Variants in CSMD1 observed in about 807,000 individuals in gnomAD.
CSMD1 encodes CUB and sushi domain-containing protein 1.
CSMD1 carries 213 observed loss-of-function variants against 417.5 expected under a neutral mutation model. The observed-to-expected ratio is 0.51, with a 90% CI of 0.46 to 0.57. The LOEUF (loss-of-function observed/expected upper bound fraction) is 0.57, where lower values mean the gene tolerates loss of function less well. Among genes scored for constraint, CSMD1 ranks in the 20% least tolerant of loss-of-function variants. CSMD1 has a pLI of 0.00. For missense variants in CSMD1, 6,923 were observed against 4,529.7 expected (o/e 1.53, Z -15.17); for synonymous variants, 2,862 against 1,736.8 (o/e 1.65, Z -16.11).
At chr8:3,995,188 A>G (rs905106072) in intron 5 of CSMD1, among the ~76,000 whole-genome samples, 20 of 152,150 alleles carry the variant, frequency 1.3e-4, no homozygotes, top group Admixed American at 1.2e-3. Flanking sequence ...GGGTACTTCA[A>G]ATTATTCTGT....
At chr8:4,879,103 A>G (rs1304992750) in intron 1 of CSMD1, among the ~76,000 whole-genome samples, 1 of 152,092 alleles carries the variant, frequency 6.6e-6, no homozygotes, top group Non-Finnish European at 1.5e-5. Context: ...AAACAAACAA[A>G]AAAAGATATC....
intron 42 of CSMD1, among the ~76,000 whole-genome samples, chr8:3,113,543 A>C (rs1224173084): frequency 6.6e-6 from 1 of 152,216 alleles, no homozygotes; most frequent in African/African-American, 2.4e-5. Flanking sequence ...GTGATGTCTA[A>C]CTTGAATGTC....
intron 2 of CSMD1, among the ~76,000 whole-genome samples, chr8:4,462,415 C>G (rs914166337): frequency 6.6e-6 from 1 of 152,038 alleles, no homozygotes; most frequent in African/African-American, 2.4e-5. Context: ...GATGGCAATA[C>G]TCCCCAAATT....
intron 6 of CSMD1, among the ~76,000 whole-genome samples, chr8:3,744,789 A>G (rs1433886624): frequency 6.7e-6 from 1 of 148,216 alleles, no homozygotes; most frequent in African/African-American, 2.4e-5. Flanking sequence ...TTTCTCTAGA[A>G]TGAATGACAT....
intron 5 of CSMD1, among the ~76,000 whole-genome samples, chr8:3,811,229 G>C (rs1276082971): frequency 3.9e-5 from 6 of 152,146 alleles, no homozygotes; most frequent in African/African-American, 1.4e-4. Context: ...CTGTGAGTAT[G>C]AAACACCCAA....
At chr8:4,455,765 T>C (rs908717781) in intron 2 of CSMD1, among the ~76,000 whole-genome samples, 2 of 151,008 alleles carry the variant, frequency 1.3e-5, no homozygotes, top group Non-Finnish European at 3.0e-5. Flanking sequence ...ACCCCGTCTC[T>C]ACTAAAAATA....
intron 3 of CSMD1, among the ~76,000 whole-genome samples, chr8:4,303,325 T>C (rs1056246473): frequency 2.0e-5 from 3 of 151,978 alleles, no homozygotes; most frequent in Admixed American, 6.6e-5. Context: ...ACAAATGTAT[T>C]AAAGGAAGCA....
At chr8:4,815,688 C>T (rs1424387595) in intron 1 of CSMD1, among the ~76,000 whole-genome samples, 1 of 90,442 alleles carries the variant, frequency 1.1e-5, no homozygotes, top group Non-Finnish European at 2.0e-5. Context: ...AAGACCAAAG[C>T]TGTCTCAAAA....
chr8:4,158,408 A>C (rs4875294), intron 3 of CSMD1, among the ~76,000 whole-genome samples: 1 of 151,702 alleles, frequency 6.6e-6, no homozygotes, highest in Non-Finnish European at 1.5e-5. Flanking sequence ...TCACTATTGC[A>C]AAAGGATATT....
chr8:3,812,381 C>T (rs572015964), intron 5 of CSMD1, among the ~76,000 whole-genome samples: 1 of 152,072 alleles, frequency 6.6e-6, no homozygotes, highest in African/African-American at 2.4e-5. Context: ...TAGTGAGATA[C>T]TTAAATGCAG....
At chr8:3,703,764 A>C (rs1218019850) in intron 7 of CSMD1, among the ~76,000 whole-genome samples, 1 of 152,154 alleles carries the variant, frequency 6.6e-6, no homozygotes, top group Non-Finnish European at 1.5e-5. Context: ...GCCAGCTATT[A>C]CATACCTGTA....
chr8:3,095,794 A>G (rs998404143), intron 47 of CSMD1, among the ~76,000 whole-genome samples: 4 of 152,236 alleles, frequency 2.6e-5, no homozygotes, highest in Admixed American at 6.5e-5. Context: ...ACAAAGAGAA[A>G]TATTAACATT....
chr8:3,797,600 G>C (rs144656263), intron 5 of CSMD1, among the ~76,000 whole-genome samples: 7 of 151,820 alleles, frequency 4.6e-5, no homozygotes, highest in African/African-American at 1.7e-4. Flanking sequence ...TTATGTTTCA[G>C]CAAGTCACAC....
chr8:3,743,014 C>T (rs908659669), intron 6 of CSMD1, among the ~76,000 whole-genome samples: 1 of 152,228 alleles, frequency 6.6e-6, no homozygotes, highest in South Asian at 2.1e-4. Context: ...ACCCTTGGAA[C>T]ATACGCCTAG....
intron 41 of CSMD1, among the ~76,000 whole-genome samples, chr8:3,140,499 C>T (rs1818373256): frequency 6.6e-6 from 1 of 152,096 alleles, no homozygotes; most frequent in Non-Finnish European, 1.5e-5. Flanking sequence ...ACATATTGCT[C>T]ACTGGTTTAG....
At chr8:4,900,016 C>A (rs894927364) in intron 1 of CSMD1, among the ~76,000 whole-genome samples, 1 of 152,078 alleles carries the variant, frequency 6.6e-6, no homozygotes, top group Non-Finnish European at 1.5e-5. Context: ...TTAATCTATT[C>A]TCTTCTCTCT....
chr8:4,095,138 G>C (rs115445020), intron 3 of CSMD1, among the ~76,000 whole-genome samples: 234 of 152,266 alleles, frequency 1.5e-3, no homozygotes, highest in African/African-American at 5.5e-3. Flanking sequence ...TTGGGAGGAA[G>C]AGAGGTAGGA....
At chr8:4,641,134 G>A (rs916538769) in intron 1 of CSMD1, among the ~76,000 whole-genome samples, 10 of 151,094 alleles carry the variant, frequency 6.6e-5, no homozygotes, top group African/African-American at 2.4e-4. Flanking sequence ...ATCTGTAATT[G>A]CATGGATACC....
intron 5 of CSMD1, among the ~76,000 whole-genome samples, chr8:3,814,229 T>G (rs989231651): frequency 6.6e-6 from 1 of 152,194 alleles, no homozygotes; most frequent in Non-Finnish European, 1.5e-5. Flanking sequence ...CTCGTCTGCA[T>G]TCTGAATAGA....
Sources: gnomAD v4.1 joint callset for allele counts (sites outside exome capture counted in the v4.1 genomes callset) on GRCh38, gnomAD v4.1.1 for gene constraint, MANE v1.5 for transcripts, NCBI Gene and HGNC (gene_info 2026-07-23, HGNC 2026-07-21) for gene names.